Variants in FAM184B observed in about 807,000 individuals in gnomAD.
FAM184B encodes family with sequence similarity 184 member B.
Under a neutral mutation model 135.9 loss-of-function variants are expected in FAM184B, and 111 were observed. The observed-to-expected ratio is 0.82, with a 90% CI of 0.70 to 0.96. The LOEUF is 0.96. FAM184B is among the 40% of genes least tolerant of loss of function. The pLI, the probability that FAM184B is intolerant of heterozygous loss-of-function variation, is 0.00. For missense variants in FAM184B, 1,375 were observed against 1,323.9 expected (o/e 1.04, Z -0.60); for synonymous variants, 552 against 524.8 (o/e 1.05, Z -0.71).
At chr4:17,735,360 AG>A (rs1447199768) in intron 1 of FAM184B, among the ~76,000 whole-genome samples, 1 of 152,140 alleles carries the variant, frequency 6.6e-6, no homozygotes, top group Non-Finnish European at 1.5e-5. Flanking sequence ...AATTAAAAAA[AG>A]AAAGTTCGAT....
At chr4:17,780,642 A>G (rs1719014392) in intron 1 of FAM184B, among the ~76,000 whole-genome samples, 1 of 152,000 alleles carries the variant, frequency 6.6e-6, no homozygotes, top group Non-Finnish European at 1.5e-5. Flanking sequence ...TTATGCTCCT[A>G]CACACGTCTG....
At chr4:17,669,149 G>T (rs1026403186) in intron 7 of FAM184B, among the ~76,000 whole-genome samples, 1 of 152,144 alleles carries the variant, frequency 6.6e-6, no homozygotes, top group African/African-American at 2.4e-5. Context: ...TGGTCACAGG[G>T]CCCAGTGAGG....
intron 1 of FAM184B, among the ~76,000 whole-genome samples, chr4:17,728,549 CAGTCAGTGTAGGTCCTGCAGTGAA>C (rs1249336290): frequency 6.6e-6 from 1 of 152,094 alleles, no homozygotes; most frequent in Non-Finnish European, 1.5e-5. Flanking sequence ...TCTCTCGGGG[CAGTCAGTGTAGGTCCTGCAGTGAA>C]AGCAGGTGTC....
chr4:17,736,757 A>G (rs1273498811), intron 1 of FAM184B, among the ~76,000 whole-genome samples: 1 of 152,180 alleles, frequency 6.6e-6, no homozygotes, highest in Non-Finnish European at 1.5e-5. Flanking sequence ...ACTTACTCCC[A>G]TAGCCACACC....
At chr4:17,774,590 A>G (rs1462570761) in intron 1 of FAM184B, among the ~76,000 whole-genome samples, 1 of 152,186 alleles carries the variant, frequency 6.6e-6, no homozygotes, top group African/African-American at 2.4e-5. Context: ...TTACTGTTCC[A>G]TCCTTCAATT....
chr4:17,693,976 A>C (rs1716796757), intron 5 of FAM184B, among the ~76,000 whole-genome samples: 1 of 152,114 alleles, frequency 6.6e-6, no homozygotes, highest in South Asian at 2.1e-4. Flanking sequence ...AAATAAAATA[A>C]AATAAATGAT....
rs1270440001 is a variant in FAM184B, at chr4:17,731,439, C to T, written c.142-21795G>A. On this transcript the variant is annotated intron_variant, in intron 1 of 17. Coordinates refer to ENST00000265018, the MANE Select transcript of FAM184B (RefSeq NM_015688.2). ...TGCTGTATTCAGGAAACCCATCTCA[C>T]GTGCAGAGACACACATAGGCTCAAA... Among the ~76,000 whole-genome samples, 11 of 152,098 alleles carry T rather than the reference C, an allele frequency of 7.2e-5. No individual in the cohort carries two copies. The East Asian group carries it at 7.7e-4, about 11-fold the overall frequency.
chr4:17,638,814 T>G lies in FAM184B; in HGVS notation c.2666+436A>C, dbSNP rs138350077. ...ATAGCCTCATAAAATGAAGGGAGAC[T>G]GATGAGCCCCTGGCTAGTTCCCCCC... On this transcript the variant is annotated intron_variant, in intron 14 of 17. Coordinates refer to ENST00000265018, the MANE Select transcript of FAM184B (RefSeq NM_015688.2). 4.2e-3 allele frequency among the ~76,000 whole-genome samples: 633 copies of G among 152,210 alleles called. 5 individuals are homozygous for G. The highest frequency in any genetic ancestry group is 0.015 in the African/African-American group (615 of 41,524).
At chr4:17,735,909 G>C (rs555138808) in intron 1 of FAM184B, among the ~76,000 whole-genome samples, 1 of 152,140 alleles carries the variant, frequency 6.6e-6, no homozygotes, top group Non-Finnish European at 1.5e-5. Context: ...ATTAAGGATG[G>C]GTGACTGTTC....
chr4:17,762,978 G>A (rs117029613), intron 1 of FAM184B, among the ~76,000 whole-genome samples: 1 of 152,234 alleles, frequency 6.6e-6, no homozygotes, highest in East Asian at 1.9e-4. Context: ...GGCCTACACA[G>A]CTGAACAGCT....
chr4:17,749,067 C>T (rs1453314606), intron 1 of FAM184B, among the ~76,000 whole-genome samples: 2 of 149,502 alleles, frequency 1.3e-5, no homozygotes, highest in Non-Finnish European at 3.0e-5. Flanking sequence ...CTCCTGGCTT[C>T]AAGCGATTCT....
intron 1 of FAM184B, among the ~76,000 whole-genome samples, chr4:17,724,896 G>C (rs1281209909): frequency 6.6e-6 from 1 of 152,094 alleles, no homozygotes; most frequent in African/African-American, 2.4e-5. Context: ...TTCTCTCCCT[G>C]GCCTGGCTAG....
In FAM184B at chr4:17,721,399, A is replaced by AAAAAAAAAAAAAAG. The variant is rs1398013703; in HGVS notation, c.142-11756_142-11755insCTTTTTTTTTTTTT. Among the ~76,000 whole-genome samples, 20 of 149,908 alleles carry AAAAAAAAAAAAAAG rather than the reference A, an allele frequency of 1.3e-4. 2 individuals are homozygous for AAAAAAAAAAAAAAG. The South Asian group carries it at 4.1e-3, about 31-fold the overall frequency. The stretch of plus-strand genomic sequence containing the variant: ...ATTCTGTCTCAAAAAAAAAAAAAAA[A>AAAAAAAAAAAAAAG]AAAAAAATCTCTTTGCCCTAGCAGA... On this transcript the variant is annotated intron_variant, in intron 1 of 17. Coordinates refer to ENST00000265018, the MANE Select transcript of FAM184B (RefSeq NM_015688.2).
chr4:17,771,192 A>G (rs1043983738), intron 1 of FAM184B, among the ~76,000 whole-genome samples: 2 of 152,200 alleles, frequency 1.3e-5, no homozygotes, highest in Non-Finnish European at 2.9e-5. Context: ...CAGCAGCTGC[A>G]TCATTTTATA....
chr4:17,737,109 A>T (rs894262368), intron 1 of FAM184B, among the ~76,000 whole-genome samples: 3 of 151,508 alleles, frequency 2.0e-5, no homozygotes, highest in Admixed American at 2.0e-4. Flanking sequence ...GTGCCATTGC[A>T]CTCCAGCCTG....
At chr4:17,714,500 C>A (rs918476442) in intron 1 of FAM184B, among the ~76,000 whole-genome samples, 15 of 152,138 alleles carry the variant, frequency 9.9e-5, no homozygotes, top group African/African-American at 3.6e-4. Flanking sequence ...GGAACACTGT[C>A]TGTCATTGAT....
At chr4:17,644,111 G>A (rs1009063616) in intron 12 of FAM184B, among the ~76,000 whole-genome samples, 3 of 152,164 alleles carry the variant, frequency 2.0e-5, no homozygotes, top group Admixed American at 1.3e-4. Context: ...TGCAGATGCC[G>A]GGTTTATGAG....
rs1375732383 is a variant in FAM184B, at chr4:17,666,201, C to T, written c.1597-1542G>A. Among the ~76,000 whole-genome samples, 6 of 151,964 alleles carry T rather than the reference C, an allele frequency of 3.9e-5. No individual in the cohort carries two copies. The East Asian group carries it at 1.2e-3, about 29-fold the overall frequency. On this transcript the variant is annotated intron_variant, in intron 7 of 17. Transcript: ENST00000265018. ...TAACGATGTGACCTTGGGAAAATTA[C>T]TTAGGTTTTCATGAGGATTAAATGA...
At chr4:17,725,385 C>T (rs1717616593) in intron 1 of FAM184B, among the ~76,000 whole-genome samples, 1 of 152,188 alleles carries the variant, frequency 6.6e-6, no homozygotes, top group African/African-American at 2.4e-5. Context: ...TTATTATCCC[C>T]ACTTAGCCTA....
Sources: allele counts gnomAD v4.1 joint callset (sites outside exome capture counted in the v4.1 genomes callset), GRCh38; gene constraint gnomAD v4.1.1; transcripts MANE v1.5; gene names NCBI Gene and HGNC (gene_info 2026-07-23, HGNC 2026-07-21).